Variants in NMI observed in about 807,000 individuals in gnomAD.
The protein encoded by NMI is N-myc-interactor.
NMI carries 39 observed loss-of-function variants against 34.3 expected under a neutral mutation model. That is an observed-to-expected ratio of 1.14 (90% confidence interval 0.88 to 1.49). The LOEUF (loss-of-function observed/expected upper bound fraction) is 1.49, where lower values mean the gene tolerates loss of function less well. Among genes scored for constraint, NMI ranks in the 40% most tolerant of loss-of-function variants. The pLI, the probability that NMI is intolerant of heterozygous loss-of-function variation, is 0.00. For synonymous variants in NMI, 113 were observed against 120.3 expected, an observed-to-expected ratio of 0.94 and a Z score of 0.40; for missense variants, 339 against 358.1, an observed-to-expected ratio of 0.95 and a Z score of 0.43.
In NMI at chr2:151,283,885, A is replaced by G. The variant is rs9989812; in HGVS notation, c.-6-931T>C. 4.3e-3 allele frequency among the ~76,000 whole-genome samples: 649 copies of G among 152,366 alleles called. 5 individuals carry two copies. The highest frequency in any genetic ancestry group is 0.015 in the African/African-American group (623 of 41,586). On this transcript the variant is annotated intron_variant, in intron 1 of 7. Coordinates refer to ENST00000243346, the MANE Select transcript of NMI (RefSeq NM_004688.3). ...AGCACCTGTGATAGTCACCAATAGAAAGCACAGATAGTTTCATAGAATATT... is the reference window on the plus strand; with the variant it reads ...AGCACCTGTGATAGTCACCAATAGAGAGCACAGATAGTTTCATAGAATATT...
chr2:151,271,704 T>C lies in NMI; in HGVS notation c.663A>G (p.Glu221=). ...AGGTTTGATTTATATAAAGAGGGTA[T>C]TCTTTCTTTTTCAAAATCTTGTCAG... The part of the protein sequence containing the change: ...GVADKILKKK[E]YPLYINQTCH... The change falls in exon 7 of 8, where the codon GAA becomes GAG. Residue 221 remains glutamate (E), a synonymous_variant. Coordinates refer to ENST00000243346, the MANE Select transcript of NMI (RefSeq NM_004688.3). The C allele has an allele frequency of 6.4e-7, 1 of 1,569,390 alleles. No individual in the cohort carries two copies. Among genetic ancestry groups the C allele is most frequent in the South Asian group, 1.1e-5 (1 of 88,136 alleles).
At chr2:151,281,430 C>T (rs528750244) in intron 3 of NMI, among the ~76,000 whole-genome samples, 241 of 152,004 alleles carry the variant, frequency 1.6e-3, no homozygotes, top group Non-Finnish European at 2.7e-3. Context: ...TTAAAGTGTA[C>T]GTAAATAATA....
At chr2:151,271,318 C>T (rs1683183892) in intron 7 of NMI, among the ~76,000 whole-genome samples, 1 of 152,194 alleles carries the variant, frequency 6.6e-6, no homozygotes, top group Non-Finnish European at 1.5e-5. Context: ...GGCAGGAATT[C>T]TTTCTCATGC....
intron 3 of NMI, among the ~76,000 whole-genome samples, chr2:151,281,295 G>A (rs1683398995): frequency 6.6e-6 from 1 of 152,126 alleles, no homozygotes; most frequent in Non-Finnish European, 1.5e-5. Context: ...AATTACCAAA[G>A]CACCTTGGAT....
chr2:151,287,176 A>G (rs1683514770), intron 1 of NMI, among the ~76,000 whole-genome samples: 1 of 152,062 alleles, frequency 6.6e-6, no homozygotes. Context: ...AGGTCACCAG[A>G]TTGGAAATTT....
chr2:151,271,418 A>G (rs1683185109), intron 7 of NMI, among the ~76,000 whole-genome samples: 1 of 152,238 alleles, frequency 6.6e-6, no homozygotes, highest in Admixed American at 6.5e-5. Flanking sequence ...TTTCAGTTTT[A>G]AAAATTGTAT....
chr2:151,270,982 C>G (rs955137810), intron 7 of NMI, 107 bp from the exon 8 acceptor site: 1 of 912,790 alleles, frequency 1.1e-6, no homozygotes, highest in Middle Eastern at 2.4e-4. Flanking sequence ...TTAGAAGAGA[C>G]AAGAAATCTT....
chr2:151,280,045 A>G (rs1326245810), intron 3 of NMI, among the ~76,000 whole-genome samples: 2 of 152,090 alleles, frequency 1.3e-5, no homozygotes, highest in African/African-American at 4.8e-5. Flanking sequence ...AAATACAAAA[A>G]TTAGCTGGGC....
chr2:151,281,566 T>C (rs1683404750), intron 3 of NMI, among the ~76,000 whole-genome samples: 1 of 152,180 alleles, frequency 6.6e-6, no homozygotes, highest in South Asian at 2.1e-4. Flanking sequence ...CCCTTCTGGG[T>C]CTTACCTGCT....
chr2:151,288,018 T>C (rs1003932459), intron 1 of NMI, among the ~76,000 whole-genome samples: 2 of 152,208 alleles, frequency 1.3e-5, no homozygotes, highest in Admixed American at 1.3e-4. Context: ...GTCTACTATC[T>C]AACACCACCA....
Position 151,278,716 on chromosome 2 carries a change from A to G in NMI, c.340+112T>C, listed in dbSNP as rs977859471. The G allele has an allele frequency of 3.4e-5, 28 of 827,878 alleles. No individual in the cohort carries two copies. In the African/African-American group the frequency reaches 3.6e-4, roughly 11 times the overall value. 51.3% of individuals were successfully genotyped at this position (827,878 alleles called of 1,614,324 possible). A position where few individuals can be genotyped will look rare whatever the true frequency, so the allele number is the denominator to read the frequency against. On this transcript the variant is annotated intron_variant, in intron 4 of 7. Transcript: ENST00000243346. ...ATAATCATACCTGCCTCAGAACGTCACTATGAGGATAAGAAATAATATAAG... is the reference window on the plus strand; with the variant it reads ...ATAATCATACCTGCCTCAGAACGTCGCTATGAGGATAAGAAATAATATAAG...
rs2105200466 is a variant in NMI, at chr2:151,271,188, A to C, written c.742-313T>G. ...TGGAGGTGAAGCAAACTGAAGAGTT[A>C]AGTATGAGTTCTAGCTTTTAAGTTG... On this transcript the variant is annotated intron_variant, in intron 7 of 7. Transcript: ENST00000243346. Among the ~76,000 whole-genome samples the C allele has an allele frequency of 2.6e-5, 4 of 152,306 alleles. No individual in the cohort carries two copies. The South Asian group carries it at 8.3e-4, about 32-fold the overall frequency.
chr2:151,274,374 G>A (rs1333335037), intron 6 of NMI, among the ~76,000 whole-genome samples: 4 of 129,006 alleles, frequency 3.1e-5, no homozygotes, highest in South Asian at 2.5e-4. Context: ...AAAAAAAAAA[G>A]GATATTGACA....
chr2:151,271,496 G>A (rs1683185949), intron 7 of NMI, 130 bp downstream of exon 7: 4 of 665,662 alleles, frequency 6.0e-6, no homozygotes, highest in South Asian at 5.3e-5. Context: ...AAGCAAAAAT[G>A]AAGTAAAGAA....
chr2:151,278,073 G>C (rs1683321805), intron 4 of NMI: 1 of 152,156 alleles, frequency 6.6e-6, no homozygotes, highest in African/African-American at 2.4e-5. Flanking sequence ...TTTGTATTAA[G>C]TGTCCAACAT....
At chr2:151,272,880 T>C (rs1257760036) in intron 6 of NMI, among the ~76,000 whole-genome samples, 1 of 152,060 alleles carries the variant, frequency 6.6e-6, no homozygotes, top group Non-Finnish European at 1.5e-5. Context: ...GTACCTAGAA[T>C]AGGCAAATTC....
rs201129740 is a variant in NMI, at chr2:151,280,863, G to A, written c.177+1085C>T. Reference sequence around the variant, plus strand: ...CAATGCTTTAATTTTTTTTTTTTTAGGCGGCGCCTCGCTCTGTCGCCCAGG... The same window carrying A: ...CAATGCTTTAATTTTTTTTTTTTTAAGCGGCGCCTCGCTCTGTCGCCCAGG... On this transcript the variant is annotated intron_variant, in intron 3 of 7. Transcript: ENST00000243346. Among the ~76,000 whole-genome samples, 5 of 135,994 alleles carry A rather than the reference G, an allele frequency of 3.7e-5. No homozygotes were observed. The South Asian group carries it at 1.1e-3, about 31-fold the overall frequency. The allele number at this position is 135,994 out of a possible 152,430, so 89.2% of individuals were successfully genotyped here. A position where few individuals can be genotyped will look rare whatever the true frequency, so the allele number is the denominator to read the frequency against.
chr2:151,276,574 C>T (rs1052461739), intron 4 of NMI, among the ~76,000 whole-genome samples: 1 of 152,180 alleles, frequency 6.6e-6, no homozygotes, highest in African/African-American at 2.4e-5. Context: ...CATTAATGCA[C>T]AGCCAGAAAG....
intron 1 of NMI, among the ~76,000 whole-genome samples, chr2:151,283,255 C>T (rs927149673): frequency 5.9e-5 from 9 of 151,994 alleles, no homozygotes; most frequent in African/African-American, 2.2e-4. Flanking sequence ...ATTCCCCTGT[C>T]TCAAGCCTCC....
Sources: gnomAD v4.1 joint callset for allele counts (sites outside exome capture counted in the v4.1 genomes callset) on GRCh38, gnomAD v4.1.1 for gene constraint, MANE v1.5 for transcripts, NCBI Gene and HGNC (gene_info 2026-07-23, HGNC 2026-07-21) for gene names.